The following ANKS1B variants were observed in gnomAD, a reference collection of about 807,000 sequenced individuals.
The protein encoded by ANKS1B is ankyrin repeat and sterile alpha motif domain containing 1B.
ANKS1B carries 36 observed loss-of-function variants against 148.3 expected under a neutral mutation model. The ratio of observed to expected loss-of-function variants is 0.24; its 90% confidence interval spans 0.19 to 0.32. The LOEUF (loss-of-function observed/expected upper bound fraction) is 0.32. ANKS1B is among the 10% of genes least tolerant of loss of function. The probability of loss-of-function intolerance (pLI) is 1.00; values close to 1 mark genes in which losing one functional copy is unlikely to be tolerated. For missense variants in ANKS1B, 1,157 were observed against 1,542.6 expected (o/e 0.75, Z 4.19); for synonymous variants, 542 against 560.8 (o/e 0.97, Z 0.47).
At chr12:99,168,598 T>G (rs900363169) in intron 14 of ANKS1B, among the ~76,000 whole-genome samples, 2 of 152,106 alleles carry the variant, frequency 1.3e-5, no homozygotes, top group African/African-American at 4.8e-5. Context: ...CAACTTATTT[T>G]AGACAGAATA....
At chr12:98,880,640 C>T (rs927618315) in intron 17 of ANKS1B, among the ~76,000 whole-genome samples, 2 of 151,948 alleles carry the variant, frequency 1.3e-5, no homozygotes, top group African/African-American at 4.8e-5. Flanking sequence ...TGGTGGCGGG[C>T]GCCTGTAGTC....
In ANKS1B at chr12:99,656,142, T is replaced by C. The variant is rs2098448789; in HGVS notation, c.1129-932A>G. 2.6e-5 allele frequency among the ~76,000 whole-genome samples: 4 copies of C among 152,258 alleles called. No individual in the cohort carries two copies. In the Middle Eastern group the frequency reaches 0.01, roughly 388 times the overall value. ...ATTATGAATTCTAAGACTACAGATA[T>C]ACTGAGTCTCCAAAAACAAGAGAAT... On this transcript the variant is annotated intron_variant, in intron 8 of 26. Coordinates refer to ENST00000683438, the MANE Select transcript of ANKS1B (RefSeq NM_001352186.2).
At chr12:98,792,300 G>T (rs1374474750) in intron 22 of ANKS1B, among the ~76,000 whole-genome samples, 1 of 152,064 alleles carries the variant, frequency 6.6e-6, no homozygotes, top group Non-Finnish European at 1.5e-5. Context: ...TTTTGGGGAG[G>T]ATTATTTTTT....
chr12:99,864,536 G>A (rs932973296), intron 1 of ANKS1B, among the ~76,000 whole-genome samples: 1 of 152,122 alleles, frequency 6.6e-6, no homozygotes, highest in African/African-American at 2.4e-5. Context: ...GATAGGGACT[G>A]TGCTAGATAG....
chr12:99,179,590 A>T (rs1162199470), intron 14 of ANKS1B, among the ~76,000 whole-genome samples: 4 of 152,064 alleles, frequency 2.6e-5, no homozygotes, highest in African/African-American at 9.7e-5. Flanking sequence ...GTAAAAGATG[A>T]TGGTTTAGGG....
intron 9 of ANKS1B, among the ~76,000 whole-genome samples, chr12:99,638,866 C>G (rs2098271099): frequency 6.6e-6 from 1 of 152,214 alleles, no homozygotes; most frequent in Non-Finnish European, 1.5e-5. Flanking sequence ...CCCAGCCACT[C>G]CAGCCCTGGT....
chr12:99,425,976 TTGTATC>T (rs1042088519), intron 11 of ANKS1B, among the ~76,000 whole-genome samples: 1 of 149,496 alleles, frequency 6.7e-6, no homozygotes, highest in African/African-American at 2.4e-5. Context: ...AAGTAAATGT[TTGTATC>T]TGTAAGATTA....
chr12:98,773,708 G>A (rs576189722), intron 24 of ANKS1B, among the ~76,000 whole-genome samples: 8 of 152,190 alleles, frequency 5.3e-5, no homozygotes, highest in Non-Finnish European at 5.9e-5. Context: ...TGCCCACCTC[G>A]GCCTCCCAAA....
intron 17 of ANKS1B, among the ~76,000 whole-genome samples, chr12:98,884,411 T>C (rs2099730605): frequency 6.6e-6 from 1 of 152,258 alleles, no homozygotes; most frequent in African/African-American, 2.4e-5. Flanking sequence ...CATATGTACT[T>C]CTTGATCTTG....
chr12:99,749,174 C>A (rs910251893), intron 8 of ANKS1B, among the ~76,000 whole-genome samples: 17 of 152,056 alleles, frequency 1.1e-4, no homozygotes, highest in African/African-American at 3.9e-4. Context: ...TAAGCTTTGA[C>A]CTGGATACAT....
chr12:99,744,769 ATCACCTGAGG>A (rs1269849784), intron 8 of ANKS1B, among the ~76,000 whole-genome samples: 1 of 152,182 alleles, frequency 6.6e-6, no homozygotes, highest in Non-Finnish European at 1.5e-5. Context: ...AGGCAGGCAG[ATCACCTGAGG>A]TCAGAAGTTT....
intron 9 of ANKS1B, chr12:99,648,543 G>C: frequency 4.3e-6 from 7 of 1,614,170 alleles, no homozygotes; most frequent in Non-Finnish European, 5.9e-6. Context: ...TGCTTCCCTT[G>C]ATGTTTGTGA....
intron 9 of ANKS1B, among the ~76,000 whole-genome samples, chr12:99,565,787 T>C (rs942334082): frequency 2.5e-4 from 38 of 152,194 alleles, no homozygotes; most frequent in African/African-American, 9.2e-4. Context: ...TCTGCTTCAA[T>C]AAATTTCTCA....
chr12:99,179,415 C>T (rs182534255), intron 14 of ANKS1B, among the ~76,000 whole-genome samples: 18 of 109,846 alleles, frequency 1.6e-4, no homozygotes, highest in African/African-American at 3.5e-4. Flanking sequence ...GGTGACACAG[C>T]GAGACTCTGT....
At chr12:98,970,079 T>C (rs144193575) in intron 17 of ANKS1B, among the ~76,000 whole-genome samples, 70 of 152,364 alleles carry the variant, frequency 4.6e-4, no homozygotes, top group African/African-American at 1.6e-3. Flanking sequence ...CCTACTGCTA[T>C]GTTCAGTTAC....
chr12:98,992,024 C>A (rs532634530), intron 17 of ANKS1B, among the ~76,000 whole-genome samples: 1 of 152,278 alleles, frequency 6.6e-6, no homozygotes, highest in South Asian at 2.1e-4. Flanking sequence ...ACAAATCACT[C>A]TGCAGAGGTT....
intron 25 of ANKS1B, among the ~76,000 whole-genome samples, chr12:98,763,228 G>A (rs1277630751): frequency 6.6e-6 from 1 of 152,134 alleles, no homozygotes; most frequent in South Asian, 2.1e-4. Context: ...CCCACGTCCG[G>A]AGGCAAAAAT....
At chr12:99,205,070 A>G (rs1029087830) in intron 14 of ANKS1B, among the ~76,000 whole-genome samples, 2 of 152,148 alleles carry the variant, frequency 1.3e-5, no homozygotes, top group Admixed American at 1.3e-4. Flanking sequence ...CCCCCCCAAA[A>G]AGAAAAACAA....
chr12:99,216,688 A>G (rs73377343), intron 14 of ANKS1B, among the ~76,000 whole-genome samples: 10,328 of 152,214 alleles, frequency 0.068, 1,163 homozygotes, highest in African/African-American at 0.24. Flanking sequence ...GTGAAAATAT[A>G]GGATCTGACA....
Sources: gnomAD v4.1 joint callset for allele counts (sites outside exome capture counted in the v4.1 genomes callset) on GRCh38, gnomAD v4.1.1 for gene constraint, MANE v1.5 for transcripts, NCBI Gene and HGNC (gene_info 2026-07-23, HGNC 2026-07-21) for gene names.